FGF12: variants seen among roughly 807,000 people sequenced by gnomAD.
FGF12 encodes the protein fibroblast growth factor 12B.
Under a neutral mutation model 23.6 loss-of-function variants are expected in FGF12, and 14 were observed. That is an observed-to-expected ratio of 0.59 (90% confidence interval 0.39 to 0.93). The LOEUF (loss-of-function observed/expected upper bound fraction) is 0.93. Among genes scored for constraint, FGF12 ranks in the 40% least tolerant of loss-of-function variants. The pLI is 0.00. For synonymous variants in FGF12, 62 were observed against 77.3 expected (o/e 0.80, Z 1.04); for missense variants, 175 against 217.8 (o/e 0.80, Z 1.24).
At chr3:192,187,262 TC>T (rs1200018545) in intron 4 of FGF12, among the ~76,000 whole-genome samples, 8 of 152,212 alleles carry the variant, frequency 5.3e-5, no homozygotes, top group African/African-American at 1.7e-4. Flanking sequence ...AGTTTTAGTT[TC>T]TGACATATAT....
At position 192,143,928 on chromosome 3, in the gene FGF12, G is replaced by T; in HGVS notation, c.*81C>A. 1.1e-6 allele frequency: 1 copy of T among 870,258 alleles called. No homozygotes were observed. Among genetic ancestry groups the T allele is most frequent in the South Asian group, 1.4e-5 (1 of 69,340 alleles). 53.9% of individuals were successfully genotyped at this position (870,258 alleles called of 1,614,324 possible). A position where few individuals can be genotyped will look rare whatever the true frequency, so the allele number is the denominator to read the frequency against. On this transcript the variant is annotated 3_prime_UTR_variant, in exon 6 of 6. Coordinates refer to ENST00000445105, the MANE Select transcript of FGF12 (RefSeq NM_004113.6). The stretch of plus-strand genomic sequence containing the variant: ...TCATTTTATTTTCCTCTCCTTGGGT[G>T]GATTTACTGGAAGGAAATGGGTAAA...
chr3:192,476,379 C>T (rs532786718), intron 2 of FGF12, among the ~76,000 whole-genome samples: 3 of 152,146 alleles, frequency 2.0e-5, no homozygotes, highest in African/African-American at 7.2e-5. Flanking sequence ...AATGTGAATC[C>T]CAATTGTTTG....
chr3:192,485,323 G>A (rs1723603518), intron 2 of FGF12, among the ~76,000 whole-genome samples: 2 of 152,152 alleles, frequency 1.3e-5, no homozygotes, highest in Admixed American at 1.3e-4. Context: ...AAATCACTGT[G>A]AATTGAAGAA....
chr3:192,197,946 C>CAAAAA (rs11328919), intron 4 of FGF12, among the ~76,000 whole-genome samples: 2 of 49,128 alleles, frequency 4.1e-5, no homozygotes, highest in African/African-American at 9.2e-5. Context: ...AATTCCTCCT[C>CAAAAA]AAAAAAAAAA....
At chr3:192,191,486 T>A (rs987068583) in intron 4 of FGF12, among the ~76,000 whole-genome samples, 1 of 152,130 alleles carries the variant, frequency 6.6e-6, no homozygotes, top group Non-Finnish European at 1.5e-5. Flanking sequence ...AGGGAGTATA[T>A]GGGATATCTT....
At chr3:192,561,473 C>A (rs962322016) in intron 2 of FGF12, among the ~76,000 whole-genome samples, 1 of 152,182 alleles carries the variant, frequency 6.6e-6, no homozygotes, top group East Asian at 1.9e-4. Flanking sequence ...AGCGATTCTC[C>A]TGCCTCAGCC....
At chr3:192,223,102 CA>C (rs1269362026) in intron 4 of FGF12, among the ~76,000 whole-genome samples, 9 of 152,192 alleles carry the variant, frequency 5.9e-5, no homozygotes, top group African/African-American at 1.9e-4. Flanking sequence ...AGGGATCTTG[CA>C]AATGCCTAAA....
intron 2 of FGF12, among the ~76,000 whole-genome samples, chr3:192,563,417 C>A (rs1712134285): frequency 6.6e-6 from 1 of 152,134 alleles, no homozygotes; most frequent in Admixed American, 6.5e-5. Context: ...AAGACTTGCA[C>A]ACACAATCCC....
intron 4 of FGF12, among the ~76,000 whole-genome samples, chr3:192,319,023 G>C (rs1716389267): frequency 1.3e-5 from 2 of 151,970 alleles, no homozygotes; most frequent in African/African-American, 2.4e-5. Context: ...ATTATCCAGG[G>C]AAAATTTCCT....
chr3:192,171,979 C>T (rs917529751), intron 4 of FGF12, among the ~76,000 whole-genome samples: 3 of 151,242 alleles, frequency 2.0e-5, no homozygotes, highest in African/African-American at 7.3e-5. Context: ...CTCCCGGGCC[C>T]AGAAGATCCT....
intron 2 of FGF12, among the ~76,000 whole-genome samples, chr3:192,416,031 C>T (rs1162830414): frequency 6.6e-6 from 1 of 151,992 alleles, no homozygotes; most frequent in Non-Finnish European, 1.5e-5. Flanking sequence ...CAGTCTCTTA[C>T]AGCACCCAGC....
At chr3:192,568,686 C>G (rs1443090881) in intron 2 of FGF12, among the ~76,000 whole-genome samples, 1 of 152,098 alleles carries the variant, frequency 6.6e-6, no homozygotes, top group Non-Finnish European at 1.5e-5. Flanking sequence ...TATTAAATAT[C>G]TGCCTATTGT....
At chr3:192,437,502 C>T (rs774409666) in intron 2 of FGF12, among the ~76,000 whole-genome samples, 17 of 152,048 alleles carry the variant, frequency 1.1e-4, no homozygotes, top group Non-Finnish European at 2.1e-4. Context: ...ACCAGCCTGA[C>T]CAAGATGGTG....
chr3:192,300,287 A>T (rs1377269478), intron 4 of FGF12, among the ~76,000 whole-genome samples: 1 of 152,200 alleles, frequency 6.6e-6, no homozygotes, highest in Non-Finnish European at 1.5e-5. Context: ...TCAGTAAATG[A>T]TGGTGCAACT....
intron 2 of FGF12, among the ~76,000 whole-genome samples, chr3:192,412,091 C>T (rs929614876): frequency 1.3e-5 from 2 of 152,118 alleles, no homozygotes; most frequent in Admixed American, 1.3e-4. Flanking sequence ...TTCACAATTT[C>T]TCCAGGTGTC....
intron 2 of FGF12, among the ~76,000 whole-genome samples, chr3:192,592,693 A>G (rs1713677894): frequency 6.6e-6 from 1 of 151,708 alleles, no homozygotes; most frequent in South Asian, 2.1e-4. Context: ...AAACAAAACC[A>G]CTTTCCAGAA....
chr3:192,529,738 G>T (rs1725041817), intron 2 of FGF12, among the ~76,000 whole-genome samples: 1 of 152,136 alleles, frequency 6.6e-6, no homozygotes, highest in Non-Finnish European at 1.5e-5. Flanking sequence ...TGGCAGACAA[G>T]GGAAGAGAGC....
intron 4 of FGF12, among the ~76,000 whole-genome samples, chr3:192,182,995 C>G (rs1477126447): frequency 3.3e-5 from 5 of 152,176 alleles, no homozygotes; most frequent in African/African-American, 1.2e-4. Flanking sequence ...ATTATACATT[C>G]ATCTAAACAT....
chr3:192,287,541 A>G (rs1403038), intron 4 of FGF12, among the ~76,000 whole-genome samples: 64,437 of 151,816 alleles, frequency 0.42, 14,589 homozygotes, highest in East Asian at 0.94. Context: ...GCTAGCACAG[A>G]TGAGAAGAGA....
Sources: allele counts gnomAD v4.1 joint callset (sites outside exome capture counted in the v4.1 genomes callset), GRCh38; gene constraint gnomAD v4.1.1; transcripts MANE v1.5; gene names NCBI Gene and HGNC (gene_info 2026-07-23, HGNC 2026-07-21).